ZFHX3: variants seen among roughly 807,000 people sequenced by gnomAD.
ZFHX3 encodes the protein zinc finger homeobox 3.
A neutral mutation model predicts 279.1 loss-of-function variants in ZFHX3; 42 were observed. The ratio of observed to expected loss-of-function variants is 0.15; its 90% CI spans 0.12 to 0.19. ZFHX3 has a LOEUF of 0.19. ZFHX3 is among the 10% of genes least tolerant of loss of function. The probability of loss-of-function intolerance (pLI) is 1.00; values close to 1 mark genes in which losing one functional copy is unlikely to be tolerated. For missense variants in ZFHX3, 4,981 were observed against 4,754.0 expected (o/e 1.05, Z -1.40); for synonymous variants, 2,293 against 1,957.8 (o/e 1.17, Z -4.52).
chr16:73,539,691 T>C (rs1315250228), intron 2 of ZFHX3, among the ~76,000 whole-genome samples: 3 of 152,116 alleles, frequency 2.0e-5, no homozygotes, highest in Non-Finnish European at 2.9e-5. Context: ...TGCTGTTCAG[T>C]AAAGAGAGAC....
At position 73,177,923 on chromosome 16, in the gene ZFHX3, A is replaced by T. The variant is rs576761872; in HGVS notation, c.-1103-34092T>A. Among the ~76,000 whole-genome samples, 10 of 151,772 alleles carry T rather than the reference A, an allele frequency of 6.6e-5. No individual in the cohort carries two copies. In the South Asian group the frequency reaches 1.9e-3, roughly 29 times the overall value. Reference sequence around the variant, plus strand: ...CGGTAGGGAAAGAGCTGCTGCGAACAGGGGCTGCTATGACAGTCAGCCTCA... The same window carrying T: ...CGGTAGGGAAAGAGCTGCTGCGAACTGGGGCTGCTATGACAGTCAGCCTCA... On this transcript the variant is annotated intron_variant, in intron 5 of 17. Coordinates refer to the ZFHX3 transcript ENST00000641206.
intron 4 of ZFHX3, among the ~76,000 whole-genome samples, chr16:72,884,901 T>A (rs1383933810): frequency 1.3e-5 from 2 of 152,174 alleles, no homozygotes; most frequent in Non-Finnish European, 2.9e-5. Flanking sequence ...TGACGAGTGG[T>A]TTCTACCTGT....
rs931032332 is a variant in ZFHX3, at chr16:73,270,000, G to C, written c.-1193-12864C>G. On this transcript the variant is annotated intron_variant, in intron 4 of 17. Coordinates refer to the ZFHX3 transcript ENST00000641206. ...TGAGCTCAGGTGATCCACTCACCTC[G>C]GGCTTCCAAAGTGCTGGGATTACAG... Among the ~76,000 whole-genome samples, 4 of 152,184 alleles carry C rather than the reference G, an allele frequency of 2.6e-5. No individual in the cohort carries two copies. The East Asian group carries it at 7.7e-4, about 29-fold the overall frequency.
chr16:72,893,042 C>T (rs574778352), intron 3 of ZFHX3, among the ~76,000 whole-genome samples: 1 of 152,296 alleles, frequency 6.6e-6, no homozygotes, highest in East Asian at 1.9e-4. Flanking sequence ...CAGGATATTC[C>T]AGGCAGCAAG....
At chr16:73,685,146 C>T (rs1348010123) in intron 1 of ZFHX3, among the ~76,000 whole-genome samples, 1 of 151,916 alleles carries the variant, frequency 6.6e-6, no homozygotes, top group East Asian at 1.9e-4. Flanking sequence ...TCCCGAGTAG[C>T]TGGGACTACA....
intron 5 of ZFHX3, among the ~76,000 whole-genome samples, chr16:72,819,576 G>C (rs2036719579): frequency 6.6e-6 from 1 of 152,226 alleles, no homozygotes; most frequent in Non-Finnish European, 1.5e-5. Context: ...TTTGAGAACA[G>C]TGGTCAGAGC....
chr16:73,684,490 G>A (rs1281180897), intron 1 of ZFHX3, among the ~76,000 whole-genome samples: 1 of 152,026 alleles, frequency 6.6e-6, no homozygotes, highest in Non-Finnish European at 1.5e-5. Flanking sequence ...ATCAAAAAGA[G>A]GAATGTGCAT....
chr16:73,282,792 T>G (rs2014489622), intron 4 of ZFHX3, among the ~76,000 whole-genome samples: 1 of 152,248 alleles, frequency 6.6e-6, no homozygotes, highest in South Asian at 2.1e-4. Context: ...GTATGTTATT[T>G]CATTAACAAC....
chr16:73,526,432 C>G (rs985191399), intron 2 of ZFHX3, among the ~76,000 whole-genome samples: 1 of 152,194 alleles, frequency 6.6e-6, no homozygotes, highest in African/African-American at 2.4e-5. Context: ...CCTGTTCACC[C>G]CACAAAAGAT....
In ZFHX3 at chr16:73,379,843, A is replaced by G. The variant is rs1210936798; in HGVS notation, c.-1290-61507T>C. 1.3e-5 allele frequency among the ~76,000 whole-genome samples: 2 copies of G among 152,194 alleles called. 1 individual carries two copies. Among genetic ancestry groups the G allele is most frequent in the African/African-American group, 4.8e-5 (2 of 41,458 alleles). On this transcript the variant is annotated intron_variant, in intron 3 of 17. Coordinates refer to the ZFHX3 transcript ENST00000641206. ...AACTCAGGGGTAAATTAGGATGGAA[A>G]TTGCAGAGTGTCTGTGCAATGCTTA...
chr16:73,293,280 G>A (rs1378250790), intron 4 of ZFHX3, among the ~76,000 whole-genome samples: 3 of 152,136 alleles, frequency 2.0e-5, no homozygotes, highest in Non-Finnish European at 4.4e-5. Context: ...GGCTATGAAG[G>A]AGACTCTGAA....
At chr16:73,629,189 G>A (rs376231467) in intron 2 of ZFHX3, among the ~76,000 whole-genome samples, 9 of 152,260 alleles carry the variant, frequency 5.9e-5, no homozygotes, top group African/African-American at 1.4e-4. Flanking sequence ...CCGCTGATAC[G>A]TAAATACTCA....
At chr16:73,399,569 T>C (rs150634850) in intron 3 of ZFHX3, among the ~76,000 whole-genome samples, 1 of 152,012 alleles carries the variant, frequency 6.6e-6, no homozygotes, top group African/African-American at 2.4e-5. Flanking sequence ...TGCAAATGGG[T>C]TGATGAGTTT....
At chr16:73,714,605 G>A (rs901936276) in intron 1 of ZFHX3, among the ~76,000 whole-genome samples, 3 of 152,164 alleles carry the variant, frequency 2.0e-5, no homozygotes, top group Admixed American at 2.0e-4. Context: ...GGAGACGTCT[G>A]CACGTGTGTG....
chr16:73,714,047 C>T lies in ZFHX3; in HGVS notation c.-1607-33807G>A, dbSNP rs2053390863. ...TTCCTCACTGCCCTTTTCTGACCCG[C>T]GGCACACTGGGCTGCCAGACTCGTA... On this transcript the variant is annotated intron_variant, in intron 1 of 17. Coordinates refer to the ZFHX3 transcript ENST00000641206. Among the ~76,000 whole-genome samples the T allele has an allele frequency of 2.0e-5, 3 of 152,240 alleles. No individual in the cohort carries two copies. In the East Asian group the frequency reaches 5.8e-4, roughly 29 times the overall value.
intron 5 of ZFHX3, among the ~76,000 whole-genome samples, chr16:73,212,049 A>G (rs2012037827): frequency 6.6e-6 from 1 of 152,158 alleles, no homozygotes. Flanking sequence ...CTGAACATTA[A>G]TAATTCTTCT....
intron 3 of ZFHX3, among the ~76,000 whole-genome samples, chr16:72,947,525 A>C (rs1393491868): frequency 6.6e-6 from 1 of 152,170 alleles, no homozygotes; most frequent in Non-Finnish European, 1.5e-5. Context: ...CTGAGAATGC[A>C]GCTCTGTCTC....
chr16:73,257,380 T>C (rs2013689637), intron 4 of ZFHX3, among the ~76,000 whole-genome samples: 1 of 152,186 alleles, frequency 6.6e-6, no homozygotes, highest in African/African-American at 2.4e-5. Context: ...CAAGGGCCAT[T>C]GGAAGATTAG....
chr16:73,313,692 G>C (rs1278572809), intron 4 of ZFHX3, among the ~76,000 whole-genome samples: 1 of 152,178 alleles, frequency 6.6e-6, no homozygotes, highest in Non-Finnish European at 1.5e-5. Context: ...CATAAAAATG[G>C]CACAAACATG....
Sources: allele counts gnomAD v4.1 joint callset (sites outside exome capture counted in the v4.1 genomes callset), GRCh38; gene constraint gnomAD v4.1.1; transcripts MANE v1.5; gene names NCBI Gene and HGNC (gene_info 2026-07-23, HGNC 2026-07-21).